Variants in TAF1 observed in about 807,000 individuals in gnomAD.
TAF1 encodes TATA-box binding protein associated factor 1, also known as transcription initiation factor TFIID subunit 1.
Under a neutral mutation model 138.5 loss-of-function variants are expected in TAF1, and 2 were observed. That is an observed-to-expected ratio of 0.01 (90% CI 0.01 to 0.05). TAF1 has a LOEUF of 0.05. Ranked by LOEUF, TAF1 falls within the 10% of genes least tolerant of loss-of-function variation. The pLI is 1.00. For missense variants in TAF1, 709 were observed against 1,478.0 expected, an observed-to-expected ratio of 0.48 and a Z score of 8.53; for synonymous variants, 437 against 503.2, an observed-to-expected ratio of 0.87 and a Z score of 1.76.
At chrX:71,462,802 A>G (rs905091607) in intron 37 of TAF1, among the ~76,000 whole-genome samples, 3 of 111,638 alleles carry the variant, frequency 2.7e-5, no homozygotes, top group African/African-American at 9.8e-5. Flanking sequence ...TCATAAATAA[A>G]AACATTTAAA....
chrX:71,395,300 G>A (rs1183463881), intron 22 of TAF1, among the ~76,000 whole-genome samples: 4 of 111,351 alleles, frequency 3.6e-5, no homozygotes, highest in Admixed American at 9.6e-5. Context: ...TATGAGCCCC[G>A]GAGTTTGAGA....
chrX:71,373,718 G>A, intron 3 of TAF1, among the ~76,000 whole-genome samples: 1 of 111,919 alleles, frequency 8.9e-6, no homozygotes, highest in South Asian at 3.7e-4. Flanking sequence ...GGCCGCATAT[G>A]TAGATTTGGG....
chrX:71,406,184 C>T (rs1008513630), intron 25 of TAF1, among the ~76,000 whole-genome samples: 2 of 109,834 alleles, frequency 1.8e-5, no homozygotes, highest in East Asian at 5.7e-4. Flanking sequence ...CGAAAATTAG[C>T]TGTGCGTGGT....
chrX:71,416,290 G>A (rs1267042786), intron 28 of TAF1, among the ~76,000 whole-genome samples: 1 of 83,770 alleles, frequency 1.2e-5, no homozygotes, highest in Non-Finnish European at 2.4e-5. Context: ...GGATGCTGAG[G>A]TGGGAGGATT....
intron 4 of TAF1, 47 bp downstream of exon 4, chrX:71,375,333 C>T: frequency 8.4e-7 from 1 of 1,193,069 alleles, no homozygotes; most frequent in East Asian, 3.0e-5. Context: ...GTTTTCATTC[C>T]TAAGTCCAGG....
chrX:71,381,340 C>T (rs2033877651), intron 8 of TAF1, among the ~76,000 whole-genome samples: 1 of 112,210 alleles, frequency 8.9e-6, no homozygotes, highest in Admixed American at 9.4e-5. Context: ...TCTCAGCTCA[C>T]TGCAATCTCT....
intron 13 of TAF1, among the ~76,000 whole-genome samples, chrX:71,524,106 C>T (rs772582084): frequency 2.8e-5 from 3 of 106,220 alleles, no homozygotes; most frequent in Non-Finnish European, 5.8e-5. Flanking sequence ...AGTGTAGCCT[C>T]GACCTCCCAG....
rs770981760 is a variant in TAF1 at position 71,388,724 on chromosome X, T to TA, written c.2570-13dup. On this transcript the variant is annotated splice_polypyrimidine_tract_variant and intron_variant, in intron 16 of 37. Coordinates refer to ENST00000423759, the MANE Select transcript of TAF1 (RefSeq NM_004606.5). Reference sequence around the variant, plus strand: ...TCAGAATGGTCTCATTCTCTATGTATATGTCTTTTCCAGGGATGGACTCAA... The same window carrying TA: ...TCAGAATGGTCTCATTCTCTATGTATAATGTCTTTTCCAGGGATGGACTCAA... 16 of 1,209,668 alleles carry TA rather than the reference T, an allele frequency of 1.3e-5. No homozygotes were observed. The highest frequency in any genetic ancestry group is 1.7e-5 in the African/African-American group (1 of 57,173).
chrX:71,382,416 G>C, intron 9 of TAF1, 120 bp from the exon 10 acceptor site: 1 of 985,418 alleles, frequency 1.0e-6, no homozygotes, highest in South Asian at 2.5e-5. Context: ...TGGGATGAAA[G>C]GTCTAGTTAA....
At chrX:71,367,475 C>T (rs1230974119) in intron 1 of TAF1, 24 bp from the exon 2 acceptor site, 3 of 1,204,424 alleles carry the variant, frequency 2.5e-6, no homozygotes, top group Non-Finnish European at 3.4e-6. Flanking sequence ...TTGTTATCTT[C>T]GACTCGTGCT....
chrX:71,400,657 C>G (rs752309479), intron 24 of TAF1, among the ~76,000 whole-genome samples: 5 of 111,979 alleles, frequency 4.5e-5, no homozygotes, highest in Admixed American at 1.9e-4. Context: ...TTTAATAGGT[C>G]TGTGACCTTA....
chrX:71,452,922 G>A (rs943398811), intron 32 of TAF1, among the ~76,000 whole-genome samples: 1 of 112,301 alleles, frequency 8.9e-6, no homozygotes. Context: ...CCAGTCAGGC[G>A]TGGTGGCGCG....
At chrX:71,513,575 C>A (rs1324605099) in intron 13 of TAF1, among the ~76,000 whole-genome samples, 1 of 111,000 alleles carries the variant, frequency 9.0e-6, no homozygotes, top group African/African-American at 3.3e-5. Context: ...TTCAGAGAGT[C>A]AAGCATGGGG....
intron 3 of TAF1, among the ~76,000 whole-genome samples, chrX:71,370,601 T>A (rs1281242998): frequency 2.7e-5 from 3 of 111,415 alleles, no homozygotes; most frequent in African/African-American, 9.8e-5. Flanking sequence ...CCGCCCACCT[T>A]TGCCTCCCAA....
At chrX:71,440,746 T>C (rs1442776119) in intron 32 of TAF1, among the ~76,000 whole-genome samples, 3 of 111,640 alleles carry the variant, frequency 2.7e-5, no homozygotes, top group African/African-American at 6.5e-5. Context: ...TTTTAAAATT[T>C]TAGCTGTTCT....
rs369939578 is a variant in TAF1 at position 71,516,976 on chromosome X, G to A, written c.1367-11566G>A. Among the ~76,000 whole-genome samples, 29 of 110,875 alleles carry A rather than the reference G, an allele frequency of 2.6e-4. No individual in the cohort carries two copies. The East Asian group carries it at 5.9e-3, about 23-fold the overall frequency. ...ACTACTGGGCTCAAGCAATCTGCCC[G>A]CCTCGGCCTCCCAAAGTGCTGGGAT... On this transcript the variant is annotated intron_variant and NMD_transcript_variant, in intron 13 of 14. Transcript: ENST00000373775.
intron 28 of TAF1, chrX:71,420,644 A>G: frequency 8.4e-7 from 1 of 1,196,084 alleles, no homozygotes; most frequent in Non-Finnish European, 1.1e-6. Context: ...GATAGCTTCC[A>G]GCTCCGGATC....
chrX:71,456,742 C>G (rs1050706633), intron 34 of TAF1, among the ~76,000 whole-genome samples: 2 of 91,686 alleles, frequency 2.2e-5, no homozygotes, highest in Non-Finnish European at 4.2e-5. Flanking sequence ...ATGGCGCAAT[C>G]TCGGCTCACT....
intron 32 of TAF1, among the ~76,000 whole-genome samples, chrX:71,426,590 C>T (rs1445953235): frequency 9.0e-6 from 1 of 110,604 alleles, no homozygotes; most frequent in African/African-American, 3.3e-5. Flanking sequence ...TGGTGCATGC[C>T]TGTGATCCCA....
Sources: allele counts gnomAD v4.1 joint callset (sites outside exome capture counted in the v4.1 genomes callset), GRCh38; gene constraint gnomAD v4.1.1; transcripts MANE v1.5; gene names NCBI Gene and HGNC (gene_info 2026-07-23, HGNC 2026-07-21).